Variants in SBF2 observed in about 807,000 individuals in gnomAD.
SBF2 encodes myotubularin-related protein 13.
SBF2 carries 112 observed loss-of-function variants against 225.2 expected under a neutral mutation model. That is an observed-to-expected ratio of 0.50 (90% CI 0.43 to 0.58). The LOEUF (loss-of-function observed/expected upper bound fraction) is 0.58, where lower values mean the gene tolerates loss of function less well. SBF2 is among the 20% of genes least tolerant of loss of function. SBF2 has a pLI of 0.00. For missense variants in SBF2, 1,996 were observed against 2,206.2 expected (o/e 0.90, Z 1.91); for synonymous variants, 763 against 773.3 (o/e 0.99, Z 0.22).
At chr11:9,960,364 T>A (rs1316974533) in intron 16 of SBF2, 1 of 152,254 alleles carries the variant, frequency 6.6e-6, no homozygotes, top group South Asian at 2.1e-4. Flanking sequence ...TGTATTATGT[T>A]TGAAAACTTT....
chr11:10,222,013 A>G (rs1358042707), intron 1 of SBF2, among the ~76,000 whole-genome samples: 1 of 152,224 alleles, frequency 6.6e-6, no homozygotes, highest in African/African-American at 2.4e-5. Flanking sequence ...CAAACTCTGT[A>G]CAAATTTCTG....
In SBF2 at chr11:10,000,945, T is replaced by C. The variant is rs1284766357; in HGVS notation, c.830A>G (p.His277Arg). 6.2e-7 allele frequency: 1 copy of C among 1,601,610 alleles called. No homozygotes were observed. The highest frequency in any genetic ancestry group is 8.6e-7 in the Non-Finnish European group (1 of 1,168,746). ...SSPTPFIIGV[H>R]SVFKTDVHEL... Reference sequence around the variant, plus strand: ...ATGGACATCAGTTTTAAAGACAGAATGTACTCCAATAATGAAAGGCGTTGG... The same window carrying C: ...ATGGACATCAGTTTTAAAGACAGAACGTACTCCAATAATGAAAGGCGTTGG... Residue 277 changes from histidine (H) to arginine (R), a missense_variant, in exon 8 of 40, where the codon CAT becomes CGT. By Grantham distance (29) the His-to-Arg change is conservative. Coordinates refer to ENST00000256190, the MANE Select transcript of SBF2 (RefSeq NM_030962.4).
rs141555375 is a variant in SBF2 at position 10,287,150 on chromosome 11, T to C, written c.55+6865A>G. 4.0e-3 allele frequency among the ~76,000 whole-genome samples: 603 copies of C among 152,342 alleles called. 3 individuals carry two copies. Among genetic ancestry groups the C allele is most frequent in the Non-Finnish European group, 6.4e-3 (435 of 68,034 alleles). ...CACAAAAAACTGTATACTATTTATA[T>C]GACATTCTAGAAAAGACAAAAACAT... On this transcript the variant is annotated intron_variant, in intron 1 of 39. Coordinates refer to ENST00000256190, the MANE Select transcript of SBF2 (RefSeq NM_030962.4).
At chr11:10,080,182 AGG>A (rs1951304300) in intron 2 of SBF2, among the ~76,000 whole-genome samples, 1 of 141,508 alleles carries the variant, frequency 7.1e-6, no homozygotes, top group Non-Finnish European at 1.5e-5. Context: ...CGGGAGGCAG[AGG>A]TTGCAGTGAG....
chr11:10,259,392 GAATA>G (rs2135508481), intron 1 of SBF2, among the ~76,000 whole-genome samples: 1 of 152,274 alleles, frequency 6.6e-6, no homozygotes, highest in Admixed American at 6.5e-5. Flanking sequence ...AGAAAGCACT[GAATA>G]AATGTTAGCT....
intron 16 of SBF2, among the ~76,000 whole-genome samples, chr11:9,900,949 A>G (rs1296367138): frequency 6.6e-6 from 1 of 152,028 alleles, no homozygotes; most frequent in East Asian, 1.9e-4. Flanking sequence ...TATGTTGTCC[A>G]AGCTGGTCTT....
At chr11:9,911,018 C>A (rs1003815924) in intron 16 of SBF2, among the ~76,000 whole-genome samples, 1 of 149,610 alleles carries the variant, frequency 6.7e-6, no homozygotes, top group African/African-American at 2.5e-5. Flanking sequence ...GAGATCGCCC[C>A]ACTGCACTCC....
intron 17 of SBF2, among the ~76,000 whole-genome samples, chr11:9,860,725 T>A (rs1486973715): frequency 1.3e-5 from 2 of 152,198 alleles, no homozygotes; most frequent in Non-Finnish European, 2.9e-5. Context: ...TACCATTTCT[T>A]ACAAATGCAG....
At chr11:9,856,772 T>C in intron 18 of SBF2, 52 bp from the exon 19 acceptor site, 2 of 1,519,360 alleles carry the variant, frequency 1.3e-6, no homozygotes, top group Non-Finnish European at 1.8e-6. Context: ...TCAGGTGAGC[T>C]TAAAAAACAT....
At chr11:10,237,389 T>C (rs1959115503) in intron 1 of SBF2, among the ~76,000 whole-genome samples, 1 of 151,942 alleles carries the variant, frequency 6.6e-6, no homozygotes, top group Non-Finnish European at 1.5e-5. Context: ...TGGAGCCAAA[T>C]AAGGGAGTGT....
intron 2 of SBF2, among the ~76,000 whole-genome samples, chr11:10,182,540 A>T (rs6484061): frequency 0.91 from 138,960 of 152,156 alleles, 64,818 homozygotes; most frequent in East Asian, 1. Context: ...TATTGTCAAA[A>T]TCACCTGACT....
At chr11:10,188,076 C>T (rs1029288157) in intron 2 of SBF2, among the ~76,000 whole-genome samples, 22 of 152,094 alleles carry the variant, frequency 1.4e-4, no homozygotes, top group East Asian at 7.7e-4. Context: ...TTTCAAATCC[C>T]GTATTCTTTC....
At chr11:10,248,454 G>C (rs371735566) in intron 1 of SBF2, among the ~76,000 whole-genome samples, 9 of 152,180 alleles carry the variant, frequency 5.9e-5, no homozygotes, top group East Asian at 5.8e-4. Flanking sequence ...TAAGGCTTGG[G>C]ACTTGTGGAG....
intron 17 of SBF2, among the ~76,000 whole-genome samples, chr11:9,865,539 A>C (rs1283420714): frequency 6.8e-6 from 1 of 147,760 alleles, no homozygotes; most frequent in Non-Finnish European, 1.5e-5. Context: ...AAAACATAAA[A>C]ATTAGCTGGG....
chr11:10,230,291 G>A (rs1395877191), intron 1 of SBF2, among the ~76,000 whole-genome samples: 1 of 152,110 alleles, frequency 6.6e-6, no homozygotes, highest in Non-Finnish European at 1.5e-5. Context: ...CTTTTAATTG[G>A]AGCATTTAGA....
chr11:9,881,894 A>G (rs1859792072), intron 17 of SBF2, among the ~76,000 whole-genome samples: 1 of 152,210 alleles, frequency 6.6e-6, no homozygotes, highest in South Asian at 2.1e-4. Context: ...AGGCTGAGGT[A>G]GCAGGATCCC....
intron 2 of SBF2, among the ~76,000 whole-genome samples, chr11:10,162,634 T>C (rs999131339): frequency 6.6e-6 from 1 of 152,230 alleles, no homozygotes; most frequent in African/African-American, 2.4e-5. Context: ...AGTCAAATTA[T>C]CAGAACCAAA....
chr11:10,137,344 G>A (rs982324408), intron 2 of SBF2, among the ~76,000 whole-genome samples: 1 of 152,144 alleles, frequency 6.6e-6, no homozygotes, highest in Non-Finnish European at 1.5e-5. Context: ...ACTACAAACA[G>A]GGACAGATTT....
At chr11:10,291,886 C>T (rs886470027) in intron 1 of SBF2, among the ~76,000 whole-genome samples, 2 of 152,200 alleles carry the variant, frequency 1.3e-5, no homozygotes, top group Non-Finnish European at 2.9e-5. Flanking sequence ...TTGTGCACCA[C>T]CTGACAGGAT....
Sources: allele counts gnomAD v4.1 joint callset (sites outside exome capture counted in the v4.1 genomes callset), GRCh38; gene constraint gnomAD v4.1.1; transcripts MANE v1.5; gene names NCBI Gene and HGNC (gene_info 2026-07-23, HGNC 2026-07-21).